Variants in VPS36 observed in about 807,000 individuals in gnomAD.
VPS36 encodes the protein vacuolar protein sorting 36 homolog.
In VPS36, 31 loss-of-function variants were observed where a neutral mutation model predicts 63.5. The ratio of observed to expected loss-of-function variants is 0.49; its 90% CI spans 0.37 to 0.66. The LOEUF (loss-of-function observed/expected upper bound fraction) is 0.66. Ranked by LOEUF, VPS36 falls within the 30% of genes least tolerant of loss-of-function variation. The pLI is 0.00. For missense variants in VPS36, 338 were observed against 463.7 expected, an observed-to-expected ratio of 0.73 and a Z score of 2.49; for synonymous variants, 138 against 157.2, an observed-to-expected ratio of 0.88 and a Z score of 0.91.
intron 4 of VPS36, 49 bp from the exon 5 acceptor site, chr13:52,434,931 T>C (rs369057639): frequency 2.1e-6 from 3 of 1,457,104 alleles, no homozygotes; most frequent in Non-Finnish European, 2.8e-6. Context: ...GATTGTAACA[T>C]CCTTGTATAA....
At chr13:52,427,616 A>C (rs1433113900) in intron 6 of VPS36, among the ~76,000 whole-genome samples, 1 of 152,140 alleles carries the variant, frequency 6.6e-6, no homozygotes, top group Non-Finnish European at 1.5e-5. Context: ...CAAAAAAAAA[A>C]AAAAAATTTA....
At chr13:52,435,260 C>T (rs746889890) in intron 4 of VPS36, among the ~76,000 whole-genome samples, 16 of 152,132 alleles carry the variant, frequency 1.1e-4, no homozygotes, top group African/African-American at 1.9e-4. Context: ...TGTGAGCCAC[C>T]GCGCCCGGCC....
intron 6 of VPS36, among the ~76,000 whole-genome samples, chr13:52,431,540 G>A (rs1020142390): frequency 1.1e-4 from 17 of 151,974 alleles, no homozygotes; most frequent in African/African-American, 1.9e-4. Context: ...CGAGGCAGGC[G>A]GTTCACGAGG....
intron 7 of VPS36, 32 bp from the exon 8 acceptor site, chr13:52,427,098 C>T: frequency 5.6e-6 from 9 of 1,604,114 alleles, no homozygotes; most frequent in Non-Finnish European, 7.7e-6. Context: ...CTGAAAAGCA[C>T]TATTGTCCCC....
At chr13:52,449,894 A>G (rs973677820) in intron 1 of VPS36, 10 of 983,724 alleles carry the variant, frequency 1.0e-5, no homozygotes, top group Non-Finnish European at 1.2e-5. Flanking sequence ...AAAACCCAAT[A>G]GCCTTTGGCA....
intron 10 of VPS36, among the ~76,000 whole-genome samples, chr13:52,420,621 G>C (rs9536069): frequency 0.55 from 83,628 of 151,708 alleles, 24,009 homozygotes; most frequent in Middle Eastern, 0.7. Flanking sequence ...GCATGAGCCA[G>C]CGCACCCGGC....
chr13:52,441,306 G>T (rs924286059), intron 2 of VPS36, among the ~76,000 whole-genome samples: 1 of 152,086 alleles, frequency 6.6e-6, no homozygotes, highest in African/African-American at 2.4e-5. Context: ...TTTCACAGGG[G>T]TCTGGGGGAA....
Position 52,450,540 on chromosome 13 carries a change from T to A in VPS36, c.55A>T (p.Ile19Phe), listed in dbSNP as rs953628242. The change falls in exon 1 of 14, where the codon ATC (isoleucine) becomes TTC (phenylalanine). Residue 19 changes from isoleucine (I) to phenylalanine (F), a missense_variant. Ile to Phe is a conservative substitution (Grantham distance 21). Transcript: ENST00000378060. ...GLLEINETLV[I>F]QQRGVRIYDG... ...TAGATTCGCACCCCGCGCTGCTGGA[T>A]CACCAGGGTCTCGTTGATCTCCAGG... The A allele has an allele frequency of 1.3e-6, 2 of 1,595,774 alleles. No individual in the cohort carries two copies. Among genetic ancestry groups the A allele is most frequent in the Non-Finnish European group, 1.7e-6 (2 of 1,171,474 alleles).
chr13:52,431,927 G>C (rs1958162703), intron 6 of VPS36, among the ~76,000 whole-genome samples: 1 of 152,102 alleles, frequency 6.6e-6, no homozygotes, highest in South Asian at 2.1e-4. Flanking sequence ...AGCACTTAGA[G>C]GGCCAACTTG....
chr13:52,420,394 G>A (rs570149361), intron 10 of VPS36, among the ~76,000 whole-genome samples: 2 of 151,622 alleles, frequency 1.3e-5, no homozygotes, highest in South Asian at 2.1e-4. Flanking sequence ...GTGCAGTGGC[G>A]TGATCTCGGC....
intron 6 of VPS36, among the ~76,000 whole-genome samples, chr13:52,430,864 C>T (rs1958147792): frequency 6.6e-6 from 1 of 151,426 alleles, no homozygotes; most frequent in African/African-American, 2.4e-5. Flanking sequence ...ATTATCATCA[C>T]TCTTTGATAG....
chr13:52,413,290 T>C lies in VPS36; in HGVS notation c.*2540A>G, dbSNP rs1392670357. 1 of 152,222 alleles carries C rather than the reference T, an allele frequency of 6.6e-6. No homozygotes were observed. The highest frequency in any genetic ancestry group is 1.5e-5 in the Non-Finnish European group (1 of 68,052). 9.4% of individuals were successfully genotyped at this position (152,222 alleles called of 1,614,324 possible). A position where few individuals can be genotyped will look rare whatever the true frequency, so the allele number is the denominator to read the frequency against. The stretch of plus-strand genomic sequence containing the variant: ...TATACATGGTCAGGTAACAGTGGAA[T>C]TCACATCAAGAATTTTTTAAAAAAA... On this transcript the variant is annotated 3_prime_UTR_variant, in exon 14 of 14. Coordinates refer to ENST00000378060, the MANE Select transcript of VPS36 (RefSeq NM_016075.4).
chr13:52,439,281 T>G (rs1055377162), intron 2 of VPS36, 113 bp from the exon 3 acceptor site: 1 of 790,258 alleles, frequency 1.3e-6, no homozygotes, highest in African/African-American at 1.7e-5. Context: ...ATAAAAATAA[T>G]GAAAAACAAT....
rs149073958 is a variant in VPS36 at position 52,415,115 on chromosome 13, G to C, written c.*715C>G. 1.3e-5 allele frequency: 2 copies of C among 152,192 alleles called. No individual in the cohort carries two copies. The highest frequency in any genetic ancestry group is 2.4e-5 in the African/African-American group (1 of 41,534). The allele number at this position is 152,192 out of a possible 1,614,324, so 9.4% of individuals were successfully genotyped here. On this transcript the variant is annotated 3_prime_UTR_variant, in exon 14 of 14. Coordinates refer to ENST00000378060, the MANE Select transcript of VPS36 (RefSeq NM_016075.4). ...AGCACAACAATCCCAGGGAATTCCT[G>C]AGCCGTCTACCTCCTAAATTTGTAA...
chr13:52,438,553 T>C (rs1958242053), intron 3 of VPS36, among the ~76,000 whole-genome samples: 1 of 152,222 alleles, frequency 6.6e-6, no homozygotes, highest in Non-Finnish European at 1.5e-5. Context: ...TCACTTAAAA[T>C]ATAAAGCCAA....
At chr13:52,430,893 CA>C (rs200363528) in intron 6 of VPS36, among the ~76,000 whole-genome samples, 31 of 138,156 alleles carry the variant, frequency 2.2e-4, no homozygotes, top group Middle Eastern at 3.6e-3. Flanking sequence ...CATGCCAGAC[CA>C]AAAAAAAAAG....
At position 52,414,721 on chromosome 13, in the gene VPS36, A is replaced by G. The variant is rs1957978359; in HGVS notation, c.*1109T>C. 6.6e-6 allele frequency: 1 copy of G among 152,152 alleles called. No homozygotes were observed. The highest frequency in any genetic ancestry group is 6.5e-5 in the Admixed American group (1 of 15,274). 9.4% of individuals were successfully genotyped at this position (152,152 alleles called of 1,614,324 possible). On this transcript the variant is annotated 3_prime_UTR_variant, in exon 14 of 14. Coordinates refer to ENST00000378060, the MANE Select transcript of VPS36 (RefSeq NM_016075.4). ...ATCACCACCCTTTCACTTCCAACTC[A>G]GTTTCAGAAAGGGTGTCTCCTGTCC... is the stretch of plus-strand genomic sequence containing the variant.
Position 52,415,719 on chromosome 13 carries a change from G to A in VPS36, c.*111C>T. The A allele has an allele frequency of 9.9e-7, 1 of 1,006,160 alleles. No homozygotes were observed. The highest frequency in any genetic ancestry group is 1.5e-6 in the Non-Finnish European group (1 of 658,604). 62.3% of individuals were successfully genotyped at this position (1,006,160 alleles called of 1,614,324 possible). ...AATTAAAAGAGATTTACATTGCACTGTGAAGTTCCAATAAATTCTCAATTG... is the reference window on the plus strand; with the variant it reads ...AATTAAAAGAGATTTACATTGCACTATGAAGTTCCAATAAATTCTCAATTG... On this transcript the variant is annotated 3_prime_UTR_variant, in exon 14 of 14. Coordinates refer to ENST00000378060, the MANE Select transcript of VPS36 (RefSeq NM_016075.4).
chr13:52,423,704 C>T, intron 9 of VPS36, 65 bp from the exon 10 acceptor site: 1 of 1,395,252 alleles, frequency 7.2e-7, no homozygotes, highest in Non-Finnish European at 9.9e-7. Context: ...CATTTCTTAA[C>T]AGAAATCATA....
Sources: allele counts gnomAD v4.1 joint callset (sites outside exome capture counted in the v4.1 genomes callset), GRCh38; gene constraint gnomAD v4.1.1; transcripts MANE v1.5; gene names NCBI Gene and HGNC (gene_info 2026-07-23, HGNC 2026-07-21).